ANXA8: variants seen among roughly 807,000 people sequenced by gnomAD.
ANXA8 encodes annexin A8, also known as VAC-beta.
A neutral mutation model predicts 26.8 loss-of-function variants in ANXA8; 9 were observed. The ratio of observed to expected loss-of-function variants is 0.34; its 90% CI spans 0.20 to 0.59. The LOEUF (loss-of-function observed/expected upper bound fraction) is 0.59, where lower values mean the gene tolerates loss of function less well. Ranked by LOEUF, ANXA8 falls within the 20% of genes least tolerant of loss-of-function variation. ANXA8 has a pLI of 0.84. For missense variants in ANXA8, 83 were observed against 238.5 expected (o/e 0.35, Z 4.29); for synonymous variants, 39 against 94.8 (o/e 0.41, Z 3.42).
chr10:47,701,913 G>A, the ANXA8 span, among the ~76,000 whole-genome samples: 1 of 151,438 alleles, frequency 6.6e-6, no homozygotes. Context: ...AGTAGCTGTG[G>A]AAAAGAGTAT....
At chr10:47,664,255 G>A in the ANXA8 span, among the ~76,000 whole-genome samples, 1 of 152,026 alleles carries the variant, frequency 6.6e-6, no homozygotes, top group Non-Finnish European at 1.5e-5. Flanking sequence ...GCGGGTGCCT[G>A]TCATCCCAGC....
At chr10:47,740,397 C>A in the ANXA8 span, among the ~76,000 whole-genome samples, 1 of 139,670 alleles carries the variant, frequency 7.2e-6, no homozygotes, top group Admixed American at 7.2e-5. Flanking sequence ...ATGCACAGGT[C>A]TTAAGTGTAC....
chr10:47,777,123 C>A, the ANXA8 span, among the ~76,000 whole-genome samples: 12 of 151,960 alleles, frequency 7.9e-5, no homozygotes, highest in Admixed American at 2.0e-4. Flanking sequence ...AACAAGAATT[C>A]TTTAAACATA....
the ANXA8 span, among the ~76,000 whole-genome samples, chr10:47,747,299 C>T: frequency 6.6e-6 from 1 of 152,026 alleles, no homozygotes; most frequent in Admixed American, 6.5e-5. Flanking sequence ...AGAAGGGAGA[C>T]ACAGAAAAGG....
the ANXA8 span, among the ~76,000 whole-genome samples, chr10:47,971,245 A>T: frequency 6.6e-6 from 1 of 151,186 alleles, no homozygotes; most frequent in Admixed American, 6.6e-5. Context: ...TGAGGCCGTG[A>T]GAAGGCCCGC....
At chr10:47,733,183 T>C in the ANXA8 span, among the ~76,000 whole-genome samples, 2 of 87,048 alleles carry the variant, frequency 2.3e-5, no homozygotes, top group Middle Eastern at 6.7e-3. Context: ...CTTTCTTTCT[T>C]TCTTTCTTTC....
At chr10:47,955,272 T>G in the ANXA8 span, among the ~76,000 whole-genome samples, 1 of 133,464 alleles carries the variant, frequency 7.5e-6, no homozygotes, top group Admixed American at 7.2e-5. Flanking sequence ...GTCCATTAAA[T>G]CTTTTTTTTT....
chr10:47,696,055 A>C, the ANXA8 span, among the ~76,000 whole-genome samples: 2 of 151,698 alleles, frequency 1.3e-5, no homozygotes, highest in African/African-American at 4.8e-5. Flanking sequence ...CTTTGGAACC[A>C]CTACTTTGCC....
At chr10:47,595,735 C>T in the ANXA8 span, among the ~76,000 whole-genome samples, 1 of 149,158 alleles carries the variant, frequency 6.7e-6, no homozygotes, top group African/African-American at 2.6e-5. Flanking sequence ...AATATGCACC[C>T]AATATTAATT....
At chr10:47,907,092 C>T in the ANXA8 span, among the ~76,000 whole-genome samples, 28 of 151,724 alleles carry the variant, frequency 1.8e-4, no homozygotes, top group Non-Finnish European at 3.7e-4. Flanking sequence ...CGCGGTGGCT[C>T]ATGCTTGTAA....
upstream of ANXA8, among the ~76,000 whole-genome samples, chr10:47,488,713 ATTTTTTTTTTTTTTTT>A (rs1160121365): frequency 1.7e-3 from 105 of 62,136 alleles, 2 homozygotes; most frequent in African/African-American, 6.9e-3. Flanking sequence ...TACATGTTAA[ATTTTTTTTTTTTTTTT>A]TTTTTTTTTT....
chr10:47,733,337 T>C, the ANXA8 span, among the ~76,000 whole-genome samples: 2 of 124,822 alleles, frequency 1.6e-5, no homozygotes, highest in African/African-American at 6.9e-5. Flanking sequence ...TCTCTCTCTC[T>C]CATCAGAAGA....
the ANXA8 span, among the ~76,000 whole-genome samples, chr10:47,683,456 C>T: frequency 2.0e-5 from 3 of 151,900 alleles, no homozygotes; most frequent in African/African-American, 7.3e-5. Flanking sequence ...CCTCGATCTC[C>T]TGACTTCGTG....
At chr10:47,925,155 G>A in the ANXA8 span, among the ~76,000 whole-genome samples, 12 of 96,486 alleles carry the variant, frequency 1.2e-4, no homozygotes, top group African/African-American at 5.1e-4. Flanking sequence ...TGCCAGAGCA[G>A]GCAAGAACGC....
At chr10:47,508,981 C>A in the ANXA8 span, among the ~76,000 whole-genome samples, 1 of 132,216 alleles carries the variant, frequency 7.6e-6, no homozygotes. Flanking sequence ...CTTCTTGAAG[C>A]CAATTTGCCC....
the ANXA8 span, among the ~76,000 whole-genome samples, chr10:47,724,681 A>G: frequency 7.1e-6 from 1 of 141,072 alleles, no homozygotes; most frequent in Non-Finnish European, 1.6e-5. Context: ...TTTTTACTGA[A>G]GTTAAAATTC....
the ANXA8 span, among the ~76,000 whole-genome samples, chr10:47,722,616 G>A: frequency 1.4e-5 from 2 of 139,968 alleles, no homozygotes; most frequent in Non-Finnish European, 3.1e-5. Flanking sequence ...GTGTCTCCAC[G>A]GGCTGCCTGA....
In ANXA8 at chr10:47,483,974, G is replaced by C; in HGVS notation, c.-41C>G. 6.2e-7 allele frequency: 1 copy of C among 1,611,692 alleles called. No homozygotes were observed. ...GGCACCTTTCCCAGGGAGATGAAGA[G>C]ACACAGGTTGGCCTCTGCTGGGACT... On this transcript the variant is annotated 5_prime_UTR_variant, in exon 1 of 12. Transcript: ENST00000585281.
chr10:47,733,215 T>TCTCTC, the ANXA8 span, among the ~76,000 whole-genome samples: 1 of 95,034 alleles, frequency 1.1e-5, no homozygotes, highest in African/African-American at 3.6e-5. Context: ...CTTTCTTTCT[T>TCTCTC]TCTTTCTCTT....
Sources: gnomAD v4.1 joint callset for allele counts (sites outside exome capture counted in the v4.1 genomes callset) on GRCh38, gnomAD v4.1.1 for gene constraint, MANE v1.5 for transcripts, NCBI Gene and HGNC (gene_info 2026-07-23, HGNC 2026-07-21) for gene names.